Variants in IGSF11 observed in about 807,000 individuals in gnomAD.
IGSF11 encodes immunoglobulin superfamily member 11.
In IGSF11, 22 loss-of-function variants were observed where a neutral mutation model predicts 41.0. That is an observed-to-expected ratio of 0.54 (90% CI 0.38 to 0.77). The LOEUF is 0.77. Ranked by LOEUF, IGSF11 falls within the 30% of genes least tolerant of loss-of-function variation. The pLI, the probability that IGSF11 is intolerant of heterozygous loss-of-function variation, is 0.00. For missense variants in IGSF11, 444 were observed against 530.8 expected (o/e 0.84, Z 1.61); for synonymous variants, 219 against 201.3 (o/e 1.09, Z -0.74).
intron 1 of IGSF11, 62 bp downstream of exon 1, chr3:119,034,469 T>C: frequency 2.8e-6 from 4 of 1,421,504 alleles, no homozygotes; most frequent in Admixed American, 5.2e-5. Context: ...CCCAAACAGC[T>C]TCGCCCCGGG....
chr3:118,975,130 A>G (rs1933924427), intron 1 of IGSF11, among the ~76,000 whole-genome samples: 1 of 152,212 alleles, frequency 6.6e-6, no homozygotes, highest in African/African-American at 2.4e-5. Flanking sequence ...AGATGGCTAC[A>G]GATTATATTC....
chr3:119,089,922 G>T (rs1339926583), intron 1 of IGSF11, among the ~76,000 whole-genome samples: 1 of 152,180 alleles, frequency 6.6e-6, no homozygotes, highest in Non-Finnish European at 1.5e-5. Context: ...CTACTCAGGA[G>T]GCTGAGGCAG....
In IGSF11 at chr3:119,030,972, TG is replaced by T. The variant is rs537296825; in HGVS notation, c.52+3558del. Among the ~76,000 whole-genome samples, 21 of 152,298 alleles carry T rather than the reference TG, an allele frequency of 1.4e-4. 3 individuals are homozygous for T. In the South Asian group the frequency reaches 4.2e-3, roughly 30 times the overall value. Reference sequence around the variant, plus strand: ...ATCCCTATTCTAAATAAACTAGTTATGGGGCCAGGCACGGTGGCTCAGGCCT... The same window carrying T: ...ATCCCTATTCTAAATAAACTAGTTATGGGCCAGGCACGGTGGCTCAGGCCT... On this transcript the variant is annotated intron_variant, in intron 1 of 6. Transcript: ENST00000393775.
intron 1 of IGSF11, among the ~76,000 whole-genome samples, chr3:119,075,680 A>G (rs2076482575): frequency 6.6e-6 from 1 of 152,214 alleles, no homozygotes; most frequent in African/African-American, 2.4e-5. Flanking sequence ...AACATACACA[A>G]ATCAATAAAT....
At chr3:119,128,282 T>C (rs997149267) in intron 1 of IGSF11, among the ~76,000 whole-genome samples, 3 of 151,890 alleles carry the variant, frequency 2.0e-5, no homozygotes, top group Non-Finnish European at 2.9e-5. Context: ...TGTTTGAATC[T>C]GGGAGGTGGA....
At chr3:118,953,818 C>A (rs561980195) in intron 1 of IGSF11, among the ~76,000 whole-genome samples, 1 of 152,126 alleles carries the variant, frequency 6.6e-6, no homozygotes, top group East Asian at 1.9e-4. Context: ...GTCAGATGTA[C>A]AGACTGTGAA....
intron 1 of IGSF11, among the ~76,000 whole-genome samples, chr3:119,017,875 T>G (rs1256116045): frequency 3.4e-5 from 5 of 146,688 alleles, no homozygotes; most frequent in African/African-American, 1.0e-4. Flanking sequence ...CTCTGCCTCC[T>G]GGGTTCAGGC....
At position 119,145,812 on chromosome 3, in the gene IGSF11, C is replaced by A; in HGVS notation, c.-14+1G>T. ...GGGGATGTTAATCAGAGGAGCAGTA[C>A]CTGAGAGAGGGCCTCTTTCTCACAC... On this transcript the variant is annotated splice_donor_variant, in intron 1 of 7. Transcript: ENST00000425327. LOFTEE classifies it low-confidence loss of function (5UTR_SPLICE). 5.1e-6 allele frequency: 1 copy of A among 194,296 alleles called. No individual in the cohort carries two copies. The highest frequency in any genetic ancestry group is 1.1e-5 in the Non-Finnish European group (1 of 94,638). The allele number at this position is 194,296 out of a possible 1,614,324, so 12.0% of individuals were successfully genotyped here.
chr3:118,902,557 A>G lies in IGSF11; in HGVS notation c.1259T>C (p.Met420Thr), dbSNP rs1939007780. The change falls in exon 7 of 7, where the codon ATG becomes ACG. Residue 420 changes from methionine (M) to threonine (T), a missense_variant. Coordinates refer to ENST00000393775, the MANE Select transcript of IGSF11 (RefSeq NM_001015887.3). ...TLERIGAVPV[M>T]VPAQSRAGSL... ...CCCGGCCCGACTCTGGGCTGGTACC[A>G]TGACAGGTACTGCACCAATTCGTTC... The G allele has an allele frequency of 1.2e-6, 2 of 1,609,104 alleles. No individual in the cohort carries two copies. Among genetic ancestry groups the G allele is most frequent in the African/African-American group, 1.4e-5 (1 of 73,524 alleles).
chr3:119,019,044 G>A (rs373489463), intron 1 of IGSF11, among the ~76,000 whole-genome samples: 10 of 152,294 alleles, frequency 6.6e-5, no homozygotes, highest in African/African-American at 2.2e-4. Flanking sequence ...GTGATGAAGC[G>A]AATAAAGAGG....
chr3:119,007,072 G>A lies in IGSF11; in HGVS notation c.52+27459C>T, dbSNP rs1363295914. Among the ~76,000 whole-genome samples the A allele has an allele frequency of 6.6e-5, 9 of 137,180 alleles. No homozygotes were observed. The East Asian group carries it at 8.5e-4, about 13-fold the overall frequency. 90.0% of individuals were successfully genotyped at this position (137,180 alleles called of 152,430 possible). Reference sequence around the variant, plus strand: ...GCGCCCCTCCCCCAGCCTCGCTGCCGCCTTGCAGTTTGATCTCAGACTGCT... The same window carrying A: ...GCGCCCCTCCCCCAGCCTCGCTGCCACCTTGCAGTTTGATCTCAGACTGCT... On this transcript the variant is annotated intron_variant, in intron 1 of 6. Coordinates refer to ENST00000393775, the MANE Select transcript of IGSF11 (RefSeq NM_001015887.3).
At chr3:119,031,669 T>C (rs1433914862) in intron 1 of IGSF11, among the ~76,000 whole-genome samples, 1 of 152,230 alleles carries the variant, frequency 6.6e-6, no homozygotes, top group African/African-American at 2.4e-5. Context: ...GAATAGTCCA[T>C]GTTGAATATA....
intron 1 of IGSF11, among the ~76,000 whole-genome samples, chr3:118,988,730 T>C (rs949529301): frequency 3.3e-5 from 5 of 152,166 alleles, no homozygotes; most frequent in Non-Finnish European, 7.4e-5. Context: ...AAGCAACTAT[T>C]TGCTTAAAAA....
intron 3 of IGSF11, among the ~76,000 whole-genome samples, chr3:118,927,002 T>C (rs780606757): frequency 6.6e-6 from 1 of 152,140 alleles, no homozygotes; most frequent in South Asian, 2.1e-4. Context: ...GTAATGCTAA[T>C]GACTTTTCAG....
chr3:118,946,605 T>C (rs1272933196), intron 1 of IGSF11, among the ~76,000 whole-genome samples: 3 of 152,202 alleles, frequency 2.0e-5, no homozygotes, highest in African/African-American at 4.8e-5. Context: ...TATGACTTTG[T>C]GTCCAATGTA....
intron 1 of IGSF11, among the ~76,000 whole-genome samples, chr3:119,113,601 C>G (rs1279914000): frequency 1.3e-5 from 2 of 152,196 alleles, no homozygotes; most frequent in East Asian, 3.9e-4. Flanking sequence ...AAGGTACAGC[C>G]CCCATGACTG....
chr3:119,066,809 T>G (rs1942246997), intron 1 of IGSF11, among the ~76,000 whole-genome samples: 1 of 152,208 alleles, frequency 6.6e-6, no homozygotes, highest in Admixed American at 6.5e-5. Flanking sequence ...TCACTTAATC[T>G]GTGTTCTGCT....
intron 6 of IGSF11, 118 bp from the exon 7 acceptor site, chr3:118,903,079 A>G (rs1939115166): frequency 1.1e-6 from 1 of 934,152 alleles, no homozygotes; most frequent in Non-Finnish European, 1.6e-6. Context: ...AATCCAGGAG[A>G]GACTACTCTA....
chr3:119,117,502 G>T (rs2077275008), intron 1 of IGSF11, among the ~76,000 whole-genome samples: 1 of 152,148 alleles, frequency 6.6e-6, no homozygotes, highest in Non-Finnish European at 1.5e-5. Flanking sequence ...GGAAAGACCT[G>T]CCCCCCATGA....
Sources: gnomAD v4.1 joint callset for allele counts (sites outside exome capture counted in the v4.1 genomes callset) on GRCh38, gnomAD v4.1.1 for gene constraint, MANE v1.5 for transcripts, NCBI Gene and HGNC (gene_info 2026-07-23, HGNC 2026-07-21) for gene names.